The following RPGRIP1L variants were observed in gnomAD, a reference collection of about 807,000 sequenced individuals.
RPGRIP1L encodes the protein RPGRIP1 like, also known as protein fantom.
In RPGRIP1L, 131 loss-of-function variants were observed where a neutral mutation model predicts 160.4. The ratio of observed to expected loss-of-function variants is 0.82; its 90% CI spans 0.71 to 0.94. The LOEUF is 0.94. Ranked by LOEUF, RPGRIP1L falls within the 40% of genes least tolerant of loss-of-function variation. The pLI, the probability that RPGRIP1L is intolerant of heterozygous loss-of-function variation, is 0.00. For missense variants in RPGRIP1L, 1,522 were observed against 1,535.8 expected (o/e 0.99, Z 0.15); for synonymous variants, 510 against 515.8 (o/e 0.99, Z 0.15).
At chr16:53,614,541 G>T (rs950105412) in intron 24 of RPGRIP1L, among the ~76,000 whole-genome samples, 1 of 152,168 alleles carries the variant, frequency 6.6e-6, no homozygotes. Flanking sequence ...TTTTAAATGG[G>T]ATCAGGAGCT....
At position 53,625,520 on chromosome 16, in the gene RPGRIP1L, GA is replaced by G. The variant is rs1297217418; in HGVS notation, c.3295-3165del. 1.4e-3 allele frequency among the ~76,000 whole-genome samples: 202 copies of G among 141,698 alleles called. 2 individuals are homozygous for G. Among genetic ancestry groups the G allele is most frequent in the African/African-American group, 4.5e-3 (170 of 38,174 alleles). 93.0% of individuals were successfully genotyped at this position (141,698 alleles called of 152,430 possible). A position where few individuals can be genotyped will look rare whatever the true frequency, so the allele number is the denominator to read the frequency against. ...CCAGCGGCCGCCCCGTCTAGGGGGTGAGGGGGGGGCGCCTCCGCCCGGCAGC... is the reference window on the plus strand; with the variant it reads ...CCAGCGGCCGCCCCGTCTAGGGGGTGGGGGGGGGCGCCTCCGCCCGGCAGC... On this transcript the variant is annotated intron_variant, in intron 22 of 26. Transcript: ENST00000647211.
At chr16:53,638,487 A>T (rs1223305612) in intron 19 of RPGRIP1L, 76 bp from the exon 20 acceptor site, 2 of 771,108 alleles carry the variant, frequency 2.6e-6, no homozygotes, top group Non-Finnish European at 4.4e-6. Context: ...TATCATATAC[A>T]TATTGAACTA....
chr16:53,611,090 C>T (rs541333596), intron 24 of RPGRIP1L, 39 bp from the exon 25 acceptor site: 1 of 1,376,674 alleles, frequency 7.3e-7, no homozygotes, highest in African/African-American at 1.4e-5. Flanking sequence ...AAGGAAGTCA[C>T]TCAGGAATAG....
rs778474140 is a variant in RPGRIP1L at position 53,653,002 on chromosome 16, A to G, written c.1700-15T>C. 1.3e-6 allele frequency: 2 copies of G among 1,598,648 alleles called. No individual in the cohort carries two copies. The highest frequency in any genetic ancestry group is 1.7e-5 in the Admixed American group (1 of 59,972). ...CTTTAATTGGGCTGCAAGAGAAGACACACAGTTTAGAGATTTCAAAATATT... is the reference window on the plus strand; with the variant it reads ...CTTTAATTGGGCTGCAAGAGAAGACGCACAGTTTAGAGATTTCAAAATATT... On this transcript the variant is annotated splice_polypyrimidine_tract_variant and intron_variant, in intron 14 of 26. Coordinates refer to ENST00000647211, the MANE Select transcript of RPGRIP1L (RefSeq NM_015272.5).
rs898062661 is a variant in RPGRIP1L, at chr16:53,652,790, A to G, written c.1897T>C (p.Cys633Arg). ...ASGDKEPVTFCTYAFYDFELQ... is the reference protein window; with the variant it reads ...ASGDKEPVTFRTYAFYDFELQ... ...TCAAAATCATAGAAAGCATAGGTAC[A>G]GAAAGTGACAGGCTCTTTATCTCCA... The change falls in exon 15 of 27, where the codon TGT becomes CGT. Residue 633 changes from cysteine to arginine, a missense_variant. Coordinates refer to ENST00000647211, the MANE Select transcript of RPGRIP1L (RefSeq NM_015272.5). 10 of 1,614,076 alleles carry G rather than the reference A, an allele frequency of 6.2e-6. No individual in the cohort carries two copies. The highest frequency in any genetic ancestry group is 8.5e-6 in the Non-Finnish European group (10 of 1,180,026).
intron 6 of RPGRIP1L, among the ~76,000 whole-genome samples, chr16:53,676,217 G>A (rs921176141): frequency 2.0e-5 from 3 of 152,004 alleles, no homozygotes; most frequent in Non-Finnish European, 2.9e-5. Context: ...ACAGTTAGTT[G>A]TCCTCACACA....
chr16:53,665,307 A>G (rs1391720035), intron 9 of RPGRIP1L, among the ~76,000 whole-genome samples: 2 of 152,128 alleles, frequency 1.3e-5, no homozygotes, highest in Non-Finnish European at 2.9e-5. Context: ...TACTGTACAT[A>G]CTCCAGAGGA....
chr16:53,634,927 T>C (rs529078855), intron 22 of RPGRIP1L, among the ~76,000 whole-genome samples: 2 of 152,294 alleles, frequency 1.3e-5, no homozygotes, highest in Admixed American at 6.5e-5. Flanking sequence ...TTAAAGCCCA[T>C]GGGAGCTGAA....
intron 3 of RPGRIP1L, chr16:53,694,698 A>G: frequency 6.6e-6 from 1 of 152,032 alleles, no homozygotes; most frequent in Non-Finnish European, 1.5e-5. Context: ...TTTTAGTAGA[A>G]ATGGGGTTTC....
At chr16:53,636,984 ACACT>A (rs1174191437) in intron 21 of RPGRIP1L, among the ~76,000 whole-genome samples, 10 of 134,652 alleles carry the variant, frequency 7.4e-5, no homozygotes, top group African/African-American at 2.6e-4. Context: ...ACACACACAC[ACACT>A]CTTTAATTAC....
At chr16:53,696,345 T>C (rs2151380157) in intron 2 of RPGRIP1L, 50 bp from the exon 3 acceptor site, 2 of 1,582,702 alleles carry the variant, frequency 1.3e-6, no homozygotes, top group Non-Finnish European at 1.7e-6. Flanking sequence ...AAATAGTCTC[T>C]AGAAACTCTT....
chr16:53,608,006 C>G (rs1963791978), intron 25 of RPGRIP1L: 1 of 983,612 alleles, frequency 1.0e-6, no homozygotes, highest in African/African-American at 1.7e-5. Context: ...TGGATGGACA[C>G]AGGGGGCAGA....
intron 11 of RPGRIP1L, 33 bp downstream of exon 11, chr16:53,658,739 G>A (rs776996351): frequency 2.1e-6 from 3 of 1,401,768 alleles, no homozygotes; most frequent in Non-Finnish European, 3.0e-6. Flanking sequence ...TAAAAATTCT[G>A]AGTTTTATTT....
At chr16:53,702,020 G>C (rs1161051077) in intron 1 of RPGRIP1L, among the ~76,000 whole-genome samples, 4 of 152,076 alleles carry the variant, frequency 2.6e-5, no homozygotes, top group Admixed American at 2.0e-4. Context: ...ATAGGCCCGT[G>C]TATGAAAATG....
chr16:53,693,103 G>A (rs894364951), intron 3 of RPGRIP1L, among the ~76,000 whole-genome samples: 2 of 152,158 alleles, frequency 1.3e-5, no homozygotes, highest in African/African-American at 4.8e-5. Context: ...GGGCACATGG[G>A]GGTGATGTAA....
At chr16:53,643,248 C>A (rs1966348647) in intron 17 of RPGRIP1L, among the ~76,000 whole-genome samples, 1 of 150,760 alleles carries the variant, frequency 6.6e-6, no homozygotes, top group African/African-American at 2.4e-5. Flanking sequence ...GAGGAGGTTG[C>A]TGTGAGCCCA....
At chr16:53,609,777 C>G (rs1963911555) in intron 25 of RPGRIP1L, among the ~76,000 whole-genome samples, 1 of 152,038 alleles carries the variant, frequency 6.6e-6, no homozygotes, top group Non-Finnish European at 1.5e-5. Context: ...GAAGCTGAAG[C>G]AAGTCAAACC....
At chr16:53,646,297 G>C (rs1371805735) in intron 16 of RPGRIP1L, among the ~76,000 whole-genome samples, 1 of 152,112 alleles carries the variant, frequency 6.6e-6, no homozygotes, top group African/African-American at 2.4e-5. Flanking sequence ...CTTCAATTCT[G>C]TTAGATAACT....
chr16:53,610,908 C>T (rs1211650186), intron 25 of RPGRIP1L, 59 bp downstream of exon 25: 3 of 1,326,444 alleles, frequency 2.3e-6, no homozygotes, highest in Non-Finnish European at 3.3e-6. Flanking sequence ...TTAACCATGT[C>T]CTGCTACAGA....
Sources: allele counts gnomAD v4.1 joint callset (sites outside exome capture counted in the v4.1 genomes callset), GRCh38; gene constraint gnomAD v4.1.1; transcripts MANE v1.5; gene names NCBI Gene and HGNC (gene_info 2026-07-23, HGNC 2026-07-21).